SNTG1: variants seen among roughly 807,000 people sequenced by gnomAD.
SNTG1 encodes gamma-1-syntrophin.
A neutral mutation model predicts 74.7 loss-of-function variants in SNTG1; 39 were observed. The observed-to-expected ratio is 0.52, with a 90% CI of 0.40 to 0.68. The LOEUF is 0.68. SNTG1 is among the 30% of genes least tolerant of loss of function. SNTG1 has a pLI of 0.00. For synonymous variants in SNTG1, 254 were observed against 217.1 expected (o/e 1.17, Z -1.49); for missense variants, 685 against 609.5 (o/e 1.12, Z -1.30).
intron 17 of SNTG1, among the ~76,000 whole-genome samples, chr8:50,737,162 C>A (rs1399323552): frequency 6.6e-6 from 1 of 151,630 alleles, no homozygotes; most frequent in African/African-American, 2.4e-5. Context: ...AGACCACTAG[C>A]CGGACTAATA....
At chr8:50,416,497 G>A (rs1471077472) in intron 4 of SNTG1, among the ~76,000 whole-genome samples, 1 of 151,974 alleles carries the variant, frequency 6.6e-6, no homozygotes, top group Non-Finnish European at 1.5e-5. Context: ...CAATAGTGGT[G>A]ATTTATTTTT....
At chr8:50,010,340 G>T (rs753235833) in intron 1 of SNTG1, among the ~76,000 whole-genome samples, 6 of 152,096 alleles carry the variant, frequency 3.9e-5, no homozygotes, top group Admixed American at 2.0e-4. Context: ...GAAGCACAGA[G>T]AGCTTCAGGA....
At chr8:50,193,052 G>A (rs2083634603) in intron 2 of SNTG1, among the ~76,000 whole-genome samples, 1 of 152,010 alleles carries the variant, frequency 6.6e-6, no homozygotes, top group South Asian at 2.1e-4. Flanking sequence ...GGTGACTATG[G>A]CCTTATAGTA....
chr8:50,490,270 A>G (rs2093839287), intron 8 of SNTG1, among the ~76,000 whole-genome samples: 1 of 152,054 alleles, frequency 6.6e-6, no homozygotes, highest in South Asian at 2.1e-4. Context: ...TTTTGGTTCC[A>G]TATGAAATTG....
intron 5 of SNTG1, among the ~76,000 whole-genome samples, chr8:50,442,313 G>T (rs890132166): frequency 7.2e-5 from 11 of 152,136 alleles, no homozygotes; most frequent in African/African-American, 7.2e-5. Context: ...ATAATGAGAT[G>T]AAATTTGGAG....
At chr8:50,186,763 G>C (rs967520509) in intron 2 of SNTG1, among the ~76,000 whole-genome samples, 4 of 151,946 alleles carry the variant, frequency 2.6e-5, no homozygotes, top group Non-Finnish European at 4.4e-5. Flanking sequence ...GTAAATTTAA[G>C]TTCCTTGTAG....
intron 1 of SNTG1, among the ~76,000 whole-genome samples, chr8:50,036,524 C>G (rs536779812): frequency 6.6e-6 from 1 of 152,288 alleles, no homozygotes; most frequent in East Asian, 1.9e-4. Context: ...GCTTACTGCA[C>G]TCTATCATCC....
At chr8:50,148,286 T>C (rs2131515319) in intron 1 of SNTG1, among the ~76,000 whole-genome samples, 1 of 152,336 alleles carries the variant, frequency 6.6e-6, no homozygotes, top group Non-Finnish European at 1.5e-5. Context: ...TATATGTTGA[T>C]ATACCTCCTT....
chr8:50,085,613 A>T (rs193246139), intron 1 of SNTG1, among the ~76,000 whole-genome samples: 84 of 152,258 alleles, frequency 5.5e-4, no homozygotes, highest in Admixed American at 1.6e-3. Context: ...TCATTGTCAC[A>T]TTTAGTAGAC....
chr8:50,013,394 T>A (rs1339681514), intron 1 of SNTG1, among the ~76,000 whole-genome samples: 2 of 152,102 alleles, frequency 1.3e-5, no homozygotes, highest in Non-Finnish European at 2.9e-5. Flanking sequence ...CTTTCTTTAA[T>A]TATTGATTCC....
At chr8:50,512,325 C>G (rs1418555507) in intron 9 of SNTG1, among the ~76,000 whole-genome samples, 1 of 151,688 alleles carries the variant, frequency 6.6e-6, no homozygotes, top group Non-Finnish European at 1.5e-5. Flanking sequence ...GTAACCCGAC[C>G]TTTCTCTCTG....
At chr8:50,405,968 G>A (rs1324864869) in intron 4 of SNTG1, among the ~76,000 whole-genome samples, 1 of 151,932 alleles carries the variant, frequency 6.6e-6, no homozygotes, top group East Asian at 1.9e-4. Flanking sequence ...GCACAGTTAT[G>A]CCTTTTGTTT....
intron 2 of SNTG1, among the ~76,000 whole-genome samples, chr8:50,302,141 A>C (rs2089679411): frequency 6.6e-6 from 1 of 152,136 alleles, no homozygotes; most frequent in South Asian, 2.1e-4. Flanking sequence ...ACATATATTG[A>C]GTGACACTTT....
intron 1 of SNTG1, among the ~76,000 whole-genome samples, chr8:49,980,241 A>G (rs318907): frequency 0.038 from 5,730 of 152,182 alleles, 365 homozygotes; most frequent in African/African-American, 0.13. Context: ...TACTCTGGAT[A>G]TCTCTTCCAA....
chr8:50,715,500 T>A (rs1231647465), intron 17 of SNTG1, among the ~76,000 whole-genome samples: 8 of 152,172 alleles, frequency 5.3e-5, no homozygotes, highest in Non-Finnish European at 1.0e-4. Flanking sequence ...TTTTTGGAAA[T>A]CAAGATTGGT....
chr8:50,197,390 C>T (rs2083814786), intron 2 of SNTG1, among the ~76,000 whole-genome samples: 1 of 152,084 alleles, frequency 6.6e-6, no homozygotes, highest in Admixed American at 6.6e-5. Context: ...AATGCTTTCT[C>T]ATTCTATTGT....
intron 1 of SNTG1, among the ~76,000 whole-genome samples, chr8:50,140,614 T>C (rs2081623910): frequency 6.6e-6 from 1 of 152,130 alleles, no homozygotes; most frequent in Admixed American, 6.6e-5. Flanking sequence ...TGAATGTGGA[T>C]GGGTGGGTGT....
At chr8:49,917,452 G>C (rs1806147420) in intron 1 of SNTG1, among the ~76,000 whole-genome samples, 1 of 152,146 alleles carries the variant, frequency 6.6e-6, no homozygotes, top group Non-Finnish European at 1.5e-5. Flanking sequence ...AAAAACTTGG[G>C]CAAGGAATGT....
intron 11 of SNTG1, among the ~76,000 whole-genome samples, chr8:50,538,647 G>GT (rs1259490535): frequency 6.6e-6 from 1 of 151,524 alleles, no homozygotes; most frequent in African/African-American, 2.4e-5. Flanking sequence ...TAATTATGAC[G>GT]TATGTTGGCA....
Sources: gnomAD v4.1 joint callset for allele counts (sites outside exome capture counted in the v4.1 genomes callset) on GRCh38, gnomAD v4.1.1 for gene constraint, MANE v1.5 for transcripts, NCBI Gene and HGNC (gene_info 2026-07-23, HGNC 2026-07-21) for gene names.